Variants in STARD13 observed in about 807,000 individuals in gnomAD.
STARD13 encodes the protein StAR related lipid transfer domain containing 13.
STARD13 carries 62 observed loss-of-function variants against 106.4 expected under a neutral mutation model. The observed-to-expected ratio is 0.58, with a 90% CI of 0.48 to 0.72. STARD13 has a LOEUF of 0.72. Ranked by LOEUF, STARD13 falls within the 30% of genes least tolerant of loss-of-function variation. The pLI, the probability that STARD13 is intolerant of heterozygous loss-of-function variation, is 0.00. For synonymous variants in STARD13, 565 were observed against 553.0 expected, an observed-to-expected ratio of 1.02 and a Z score of -0.31; for missense variants, 1,387 against 1,424.0, an observed-to-expected ratio of 0.97 and a Z score of 0.42.
At chr13:33,530,011 A>G in the STARD13 span, among the ~76,000 whole-genome samples, 3 of 152,138 alleles carry the variant, frequency 2.0e-5, no homozygotes, top group African/African-American at 7.2e-5. Context: ...GAAAATTAGA[A>G]AAGATAAGGA....
At chr13:33,108,380 C>T (rs912038442) in intron 12 of STARD13, among the ~76,000 whole-genome samples, 1 of 152,204 alleles carries the variant, frequency 6.6e-6, no homozygotes, top group African/African-American at 2.4e-5. Flanking sequence ...CACCTCTTCT[C>T]CTTCAGGGCC....
the STARD13 span, among the ~76,000 whole-genome samples, chr13:33,608,539 C>T: frequency 2.0e-4 from 30 of 152,168 alleles, no homozygotes; most frequent in African/African-American, 6.7e-4. Context: ...AAAAGTAAAT[C>T]AATGAGCAAA....
chr13:33,133,845 G>A lies in STARD13; in HGVS notation c.388-3556C>T, dbSNP rs1007726288. 3.3e-5 allele frequency among the ~76,000 whole-genome samples: 5 copies of A among 151,990 alleles called. No homozygotes were observed. The East Asian group carries it at 5.8e-4, about 18-fold the overall frequency. ...GCAGTAGAGTTTAAGGTTTTTTTAC[G>A]CACTTGGGACCCAGCAGAGCATCAG... On this transcript the variant is annotated intron_variant, in intron 4 of 13. Transcript: ENST00000336934.
the STARD13 span, among the ~76,000 whole-genome samples, chr13:33,590,497 C>T: frequency 1.3e-5 from 2 of 151,780 alleles, no homozygotes; most frequent in African/African-American, 2.4e-5. Flanking sequence ...GGCACATATA[C>T]ACCATGGAAT....
In STARD13 at chr13:33,104,679, A is replaced by T; in HGVS notation, c.*914T>A. ...AAATGTATTTATAAAAACTTGAGAC[A>T]ACACAGGGGCTCCCTTTGGCTGTGA... On this transcript the variant is annotated 3_prime_UTR_variant, in exon 14 of 14. Coordinates refer to ENST00000336934, the MANE Select transcript of STARD13 (RefSeq NM_178006.4). The T allele has an allele frequency of 6.5e-6, 1 of 153,398 alleles. No homozygotes were observed. The highest frequency in any genetic ancestry group is 1.5e-5 in the Non-Finnish European group (1 of 68,044). The allele number at this position is 153,398 out of a possible 1,614,324, so 9.5% of individuals were successfully genotyped here. A position where few individuals can be genotyped will look rare whatever the true frequency, so the allele number is the denominator to read the frequency against.
At chr13:33,483,777 G>A in the STARD13 span, among the ~76,000 whole-genome samples, 151 of 152,130 alleles carry the variant, frequency 9.9e-4, no homozygotes, top group Middle Eastern at 3.4e-3. Flanking sequence ...GATGTCACCC[G>A]AATAAAAAGC....
intron 1 of STARD13, among the ~76,000 whole-genome samples, chr13:33,314,566 G>C (rs1893259120): frequency 6.6e-6 from 1 of 152,198 alleles, no homozygotes; most frequent in African/African-American, 2.4e-5. Context: ...TCTTTGTTAA[G>C]TATTTTTATG....
chr13:33,119,795 T>A (rs185537629), intron 7 of STARD13, among the ~76,000 whole-genome samples: 95 of 152,360 alleles, frequency 6.2e-4, no homozygotes, highest in Non-Finnish European at 1.1e-3. Context: ...TCTTAAAGTT[T>A]GGAATGTCTA....
chr13:33,173,617 T>C (rs73179012), intron 1 of STARD13, among the ~76,000 whole-genome samples: 4,591 of 152,274 alleles, frequency 0.03, 83 homozygotes, highest in Admixed American at 0.05. Flanking sequence ...CCAAATATAA[T>C]TTTTTCCTAA....
the STARD13 span, among the ~76,000 whole-genome samples, chr13:33,617,441 A>G: frequency 1.3e-5 from 2 of 152,214 alleles, no homozygotes; most frequent in African/African-American, 4.8e-5. Flanking sequence ...AGAATGTTAT[A>G]TTCAGGAAAC....
At chr13:33,523,514 C>A in the STARD13 span, among the ~76,000 whole-genome samples, 1 of 152,026 alleles carries the variant, frequency 6.6e-6, no homozygotes, top group Non-Finnish European at 1.5e-5. Context: ...TGTATACAAC[C>A]TTGCAAATTA....
chr13:33,600,525 A>G, the STARD13 span, among the ~76,000 whole-genome samples: 1 of 152,352 alleles, frequency 6.6e-6, no homozygotes, highest in South Asian at 2.1e-4. Flanking sequence ...AGAAACACAT[A>G]CATACATATA....
the STARD13 span, among the ~76,000 whole-genome samples, chr13:33,434,088 C>T: frequency 1.1e-3 from 174 of 152,254 alleles, no homozygotes; most frequent in African/African-American, 2.6e-3. Context: ...CGCTGTGGCT[C>T]ACGCCTGTAA....
chr13:33,201,021 A>G (rs1196357507), intron 1 of STARD13, among the ~76,000 whole-genome samples: 2 of 151,526 alleles, frequency 1.3e-5, no homozygotes, highest in Non-Finnish European at 2.9e-5. Context: ...GTGAGATTCT[A>G]TCTCAAAAAT....
chr13:33,531,292 A>T, the STARD13 span, among the ~76,000 whole-genome samples: 1 of 152,186 alleles, frequency 6.6e-6, no homozygotes, highest in Non-Finnish European at 1.5e-5. Flanking sequence ...AGTGTTGAAA[A>T]CAGACAAATA....
chr13:33,423,647 A>G, the STARD13 span, among the ~76,000 whole-genome samples: 1 of 152,244 alleles, frequency 6.6e-6, no homozygotes, highest in East Asian at 1.9e-4. Context: ...AGGCACTCGC[A>G]TGTTTATTGC....
the STARD13 span, among the ~76,000 whole-genome samples, chr13:33,638,417 G>A: frequency 6.6e-6 from 1 of 152,190 alleles, no homozygotes; most frequent in Admixed American, 6.5e-5. Flanking sequence ...AGGACACCTG[G>A]AAGGAGGGGA....
At chr13:33,327,226 T>C (rs2077786683) in intron 1 of STARD13, among the ~76,000 whole-genome samples, 1 of 152,186 alleles carries the variant, frequency 6.6e-6, no homozygotes, top group South Asian at 2.1e-4. Flanking sequence ...ATATCTTCTG[T>C]CTCCATTAAA....
At chr13:33,439,766 C>A in the STARD13 span, 1 of 1,045,790 alleles carries the variant, frequency 9.6e-7, no homozygotes, top group Non-Finnish European at 1.3e-6. Flanking sequence ...CAAAATTATA[C>A]CACTTTTGTG....
Sources: allele counts gnomAD v4.1 joint callset (sites outside exome capture counted in the v4.1 genomes callset), GRCh38; gene constraint gnomAD v4.1.1; transcripts MANE v1.5; gene names NCBI Gene and HGNC (gene_info 2026-07-23, HGNC 2026-07-21).